ELK3: variants seen among roughly 807,000 people sequenced by gnomAD.
ELK3 encodes the protein ETS transcription factor ELK3.
A neutral mutation model predicts 28.9 loss-of-function variants in ELK3; 10 were observed. That is an observed-to-expected ratio of 0.35 (90% confidence interval 0.21 to 0.59). ELK3 has a LOEUF of 0.59. Ranked by LOEUF, ELK3 falls within the 20% of genes least tolerant of loss-of-function variation. ELK3 has a pLI of 0.82. For missense variants in ELK3, 463 were observed against 517.3 expected (o/e 0.90, Z 1.02); for synonymous variants, 272 against 243.5 (o/e 1.12, Z -1.09).
At chr12:96,246,115 C>T (rs571651147) in intron 2 of ELK3, among the ~76,000 whole-genome samples, 30 of 152,322 alleles carry the variant, frequency 2.0e-4, no homozygotes, top group African/African-American at 6.0e-4. Flanking sequence ...TTCCAGCTTA[C>T]AGAATGCTTT....
chr12:96,215,629 C>CTTT (rs10611662), intron 1 of ELK3, among the ~76,000 whole-genome samples: 1 of 133,518 alleles, frequency 7.5e-6, no homozygotes, highest in African/African-American at 2.8e-5. Flanking sequence ...GACATAAAAC[C>CTTT]TTTTTTTTTT....
In ELK3 at chr12:96,236,547, C is replaced by T. The variant is rs142684266; in HGVS notation, c.208-10393C>T. 5.7e-3 allele frequency among the ~76,000 whole-genome samples: 862 copies of T among 152,280 alleles called. 4 individuals are homozygous for T. Among genetic ancestry groups the T allele is most frequent in the Non-Finnish European group, 9.0e-3 (612 of 68,024 alleles). On this transcript the variant is annotated intron_variant, in intron 2 of 4. Transcript: ENST00000228741. ...AGAGTTCCAGCCTTTGTTGGCAGCACGTCATTCTTAGAAGTCTGGAATGGG... is the reference window on the plus strand; with the variant it reads ...AGAGTTCCAGCCTTTGTTGGCAGCATGTCATTCTTAGAAGTCTGGAATGGG...
chr12:96,227,555 G>A (rs150567775), intron 2 of ELK3, among the ~76,000 whole-genome samples: 1 of 147,006 alleles, frequency 6.8e-6, no homozygotes. Context: ...GGTCGTCCCT[G>A]TGCCCATGCT....
rs56257302 is a variant in ELK3, at chr12:96,210,565, G to GCACACA, written c.-2-12972_-2-12967dup. Among the ~76,000 whole-genome samples, 135 of 146,410 alleles carry GCACACA rather than the reference G, an allele frequency of 9.2e-4. 1 individual carries two copies. The highest frequency in any genetic ancestry group is 1.4e-3 in the Admixed American group (21 of 14,710). On this transcript the variant is annotated intron_variant, in intron 1 of 4. Transcript: ENST00000228741. The stretch of plus-strand genomic sequence containing the variant: ...TCCACCGCCCTGCGCGCGGGCGCAC[G>GCACACA]CACACACACACACACACACACACAC...
At chr12:96,225,362 G>A (rs1951691658) in intron 2 of ELK3, among the ~76,000 whole-genome samples, 1 of 152,190 alleles carries the variant, frequency 6.6e-6, no homozygotes, top group Non-Finnish European at 1.5e-5. Flanking sequence ...TAGCATGAAG[G>A]GTTGTCCTGG....
intron 3 of ELK3, among the ~76,000 whole-genome samples, chr12:96,250,877 TG>T (rs1425832994): frequency 6.6e-6 from 1 of 152,124 alleles, no homozygotes; most frequent in Non-Finnish European, 1.5e-5. Flanking sequence ...TTCCGAAGGT[TG>T]GTTATTTCCA....
In ELK3 at chr12:96,267,501, C is replaced by G. The variant is rs150226163; in HGVS notation, c.*321C>G. ...CAGTATAACTAATAAGGATGTGAAG[C>G]TTTTTTCTCTTTAGTTCTGAGTATG... On this transcript the variant is annotated 3_prime_UTR_variant, in exon 5 of 5. Transcript: ENST00000228741. 4.3e-5 allele frequency: 9 copies of G among 211,242 alleles called. No individual in the cohort carries two copies. The highest frequency in any genetic ancestry group is 2.7e-4 in the Admixed American group (5 of 18,482). The allele number at this position is 211,242 out of a possible 1,614,324, so 13.1% of individuals were successfully genotyped here.
intron 3 of ELK3, among the ~76,000 whole-genome samples, chr12:96,249,251 C>T (rs899559522): frequency 1.3e-5 from 2 of 152,216 alleles, no homozygotes. Flanking sequence ...GGCAGTGTCC[C>T]TGATCACGAT....
intron 3 of ELK3, among the ~76,000 whole-genome samples, chr12:96,249,000 G>C (rs543840986): frequency 1.3e-5 from 2 of 152,364 alleles, no homozygotes; most frequent in East Asian, 3.9e-4. Flanking sequence ...TCCTTGGAGT[G>C]TCATGTCAGG....
intron 2 of ELK3, among the ~76,000 whole-genome samples, chr12:96,238,914 G>A (rs1013715138): frequency 6.6e-6 from 1 of 152,144 alleles, no homozygotes; most frequent in Non-Finnish European, 1.5e-5. Context: ...ATTTACTTTA[G>A]TAGCAGCCTC....
At chr12:96,225,429 A>G (rs1202314435) in intron 2 of ELK3, among the ~76,000 whole-genome samples, 2 of 152,222 alleles carry the variant, frequency 1.3e-5, no homozygotes, top group Non-Finnish European at 2.9e-5. Flanking sequence ...ACTATATCTT[A>G]TCTCCCTTGG....
At chr12:96,212,200 C>A (rs1951583236) in intron 1 of ELK3, among the ~76,000 whole-genome samples, 1 of 152,188 alleles carries the variant, frequency 6.6e-6, no homozygotes, top group Admixed American at 6.5e-5. Flanking sequence ...CTGCCTGCAA[C>A]CTGCAGAAGA....
At chr12:96,198,804 A>G (rs1486091657) in intron 1 of ELK3, among the ~76,000 whole-genome samples, 1 of 152,228 alleles carries the variant, frequency 6.6e-6, no homozygotes, top group African/African-American at 2.4e-5. Context: ...ATATCCACAC[A>G]TGCACATACC....
intron 1 of ELK3, among the ~76,000 whole-genome samples, chr12:96,195,451 C>G (rs140461537): frequency 6.6e-6 from 1 of 152,302 alleles, no homozygotes; most frequent in East Asian, 1.9e-4. Context: ...CCCTGTTTAC[C>G]TTCGAACTCA....
intron 2 of ELK3, among the ~76,000 whole-genome samples, chr12:96,231,758 G>A (rs1055515020): frequency 2.6e-5 from 4 of 152,142 alleles, no homozygotes; most frequent in Admixed American, 1.3e-4. Flanking sequence ...CGCTGGGATT[G>A]CAGGCATGAG....
chr12:96,264,575 G>C (rs1241770560), intron 4 of ELK3, among the ~76,000 whole-genome samples: 2 of 152,112 alleles, frequency 1.3e-5, no homozygotes, highest in Non-Finnish European at 2.9e-5. Context: ...TTGAGCCCAA[G>C]AGTTCGAGAC....
chr12:96,237,883 C>A (rs376761476), intron 2 of ELK3, among the ~76,000 whole-genome samples: 86 of 152,310 alleles, frequency 5.6e-4, no homozygotes, highest in African/African-American at 2.0e-3. Context: ...AAGGACACTT[C>A]GGGTTTCATG....
Position 96,267,271 on chromosome 12 carries a change from G to C in ELK3, c.*91G>C. On this transcript the variant is annotated 3_prime_UTR_variant, in exon 5 of 5. Coordinates refer to ENST00000228741, the MANE Select transcript of ELK3 (RefSeq NM_005230.4). ...ACCTGTGTCGTGAGAAGGACATTGT[G>C]AAACTCTTGTTAATTTGGTTTGCAC... 1 of 1,087,596 alleles carries C rather than the reference G, an allele frequency of 9.2e-7. No individual in the cohort carries two copies. 67.4% of individuals were successfully genotyped at this position (1,087,596 alleles called of 1,614,324 possible).
chr12:96,195,101 C>T (rs1440290968), intron 1 of ELK3, among the ~76,000 whole-genome samples: 3 of 152,134 alleles, frequency 2.0e-5, no homozygotes, highest in African/African-American at 7.2e-5. Context: ...ACTTCGGGTC[C>T]CTGGGAAGAA....
Sources: gnomAD v4.1 joint callset for allele counts (sites outside exome capture counted in the v4.1 genomes callset) on GRCh38, gnomAD v4.1.1 for gene constraint, MANE v1.5 for transcripts, NCBI Gene and HGNC (gene_info 2026-07-23, HGNC 2026-07-21) for gene names.